The following ESRRG variants were observed in gnomAD, a reference collection of about 807,000 sequenced individuals.
The protein encoded by ESRRG is estrogen related receptor gamma.
ESRRG carries 13 observed loss-of-function variants against 44.0 expected under a neutral mutation model. The observed-to-expected ratio is 0.30, with a 90% CI of 0.19 to 0.47. ESRRG has a LOEUF of 0.47. Ranked by LOEUF, ESRRG falls within the 20% of genes least tolerant of loss-of-function variation. The pLI is 1.00. For missense variants in ESRRG, 395 were observed against 580.6 expected, an observed-to-expected ratio of 0.68 and a Z score of 3.29; for synonymous variants, 215 against 214.6, an observed-to-expected ratio of 1.00 and a Z score of -0.02.
intron 3 of ESRRG, among the ~76,000 whole-genome samples, chr1:216,592,088 C>T (rs981798059): frequency 6.6e-6 from 1 of 152,308 alleles, no homozygotes; most frequent in Admixed American, 6.5e-5. Context: ...GCCAAAGACA[C>T]ATAACCTGAA....
At chr1:216,955,526 A>G (rs1458294118) in intron 1 of ESRRG, among the ~76,000 whole-genome samples, 1 of 150,920 alleles carries the variant, frequency 6.6e-6, no homozygotes, top group Non-Finnish European at 1.5e-5. Flanking sequence ...TCTCTTTGAT[A>G]TGCTGATTTC....
Position 216,505,757 on chromosome 1 carries a change from A to T in ESRRG, c.*1182T>A, listed in dbSNP as rs1441643694. 1.3e-5 allele frequency: 2 copies of T among 152,566 alleles called. No homozygotes were observed. Among genetic ancestry groups the T allele is most frequent in the Non-Finnish European group, 2.9e-5 (2 of 68,022 alleles). 9.5% of individuals were successfully genotyped at this position (152,566 alleles called of 1,614,324 possible). ...AACTGGAGCTCATGTTAAGAAATTG[A>T]TGTTTGGGACCAGACTGGCACACAA... On this transcript the variant is annotated 3_prime_UTR_variant, in exon 7 of 7. Coordinates refer to ENST00000408911, the MANE Select transcript of ESRRG (RefSeq NM_001438.4).
chr1:216,581,936 T>C (rs1200638769), intron 3 of ESRRG, among the ~76,000 whole-genome samples: 8 of 152,250 alleles, frequency 5.3e-5, no homozygotes, highest in African/African-American at 1.4e-4. Flanking sequence ...ATACCAAAGT[T>C]ACACAGGGGC....
intron 4 of ESRRG, among the ~76,000 whole-genome samples, chr1:216,564,751 A>T (rs1486981491): frequency 6.6e-6 from 1 of 152,156 alleles, no homozygotes; most frequent in Non-Finnish European, 1.5e-5. Flanking sequence ...GGTATAAAAT[A>T]GCTTAAAATA....
At chr1:217,102,946 G>C (rs1377749019) in intron 1 of ESRRG, among the ~76,000 whole-genome samples, 1 of 152,198 alleles carries the variant, frequency 6.6e-6, no homozygotes, top group Non-Finnish European at 1.5e-5. Flanking sequence ...ATGGGGGAGA[G>C]AGAAGGGGAA....
intron 1 of ESRRG, among the ~76,000 whole-genome samples, chr1:216,966,169 G>A (rs2070317729): frequency 3.9e-5 from 6 of 152,134 alleles, no homozygotes; most frequent in Admixed American, 3.3e-4. Flanking sequence ...ACGTGTCCTA[G>A]CCCAGCAAAT....
rs569687032 is a variant in ESRRG at position 217,124,326 on chromosome 1, G to A, written c.-230+13341C>T. Reference sequence around the variant, plus strand: ...GCAGTTTGTCTCAAGTATTTACTCAGGTGATGACTACCTAAATTACTGGGA... The same window carrying A: ...GCAGTTTGTCTCAAGTATTTACTCAAGTGATGACTACCTAAATTACTGGGA... On this transcript the variant is annotated intron_variant, in intron 1 of 8. Coordinates refer to the ESRRG transcript ENST00000366940. Among the ~76,000 whole-genome samples the A allele has an allele frequency of 3.3e-5, 5 of 152,298 alleles. No homozygotes were observed. The South Asian group carries it at 8.3e-4, about 25-fold the overall frequency.
chr1:216,844,579 T>A (rs1017742610), intron 2 of ESRRG, among the ~76,000 whole-genome samples: 1 of 151,276 alleles, frequency 6.6e-6, no homozygotes, highest in Non-Finnish European at 1.5e-5. Flanking sequence ...TCCTCCTCCA[T>A]TAAGGCCCTC....
At chr1:216,698,070 A>G (rs17043393) in intron 1 of ESRRG, among the ~76,000 whole-genome samples, 19,886 of 152,144 alleles carry the variant, frequency 0.13, 1,393 homozygotes, top group Middle Eastern at 0.19. Context: ...TTCAGTTTCC[A>G]GAAGGGAATT....
At chr1:217,051,446 C>G (rs1346142026) in intron 1 of ESRRG, among the ~76,000 whole-genome samples, 1 of 152,168 alleles carries the variant, frequency 6.6e-6, no homozygotes, top group Non-Finnish European at 1.5e-5. Flanking sequence ...CAGGCAAAAA[C>G]TGAGAGGAAG....
intron 2 of ESRRG, among the ~76,000 whole-genome samples, chr1:216,670,756 T>C (rs2075015446): frequency 6.6e-6 from 1 of 152,026 alleles, no homozygotes; most frequent in Admixed American, 6.5e-5. Context: ...CACTGGGCCT[T>C]AGACATGTGG....
At chr1:216,624,769 T>C (rs1475111017) in intron 3 of ESRRG, among the ~76,000 whole-genome samples, 1 of 152,214 alleles carries the variant, frequency 6.6e-6, no homozygotes, top group African/African-American at 2.4e-5. Context: ...CACCCCATTA[T>C]TACCTAAAAC....
At position 216,688,908 on chromosome 1, in the gene ESRRG, T is replaced by G. The variant is rs550820918; in HGVS notation, c.57-11417A>C. On this transcript the variant is annotated intron_variant, in intron 1 of 6. Coordinates refer to ENST00000408911, the MANE Select transcript of ESRRG (RefSeq NM_001438.4). ...TTCAGAAAGAGTGGAGAAGGGTTGGTGGAAAAACCTAGGAGAAATAGAAAT... is the reference window on the plus strand; with the variant it reads ...TTCAGAAAGAGTGGAGAAGGGTTGGGGGAAAAACCTAGGAGAAATAGAAAT... Among the ~76,000 whole-genome samples the G allele has an allele frequency of 9.6e-3, 1,455 of 152,194 alleles. 20 individuals carry two copies. The highest frequency in any genetic ancestry group is 0.033 in the African/African-American group (1,377 of 41,526).
At position 216,677,439 on chromosome 1, in the gene ESRRG, A is replaced by T. The variant is rs1247313691; in HGVS notation, c.109T>A (p.Ser37Thr). ...KDRHIDSSCS[S>T]FIKTEPSSPA... Reference sequence around the variant, plus strand: ...CTGGAAGGTTCCGTCTTGATGAAGGACGAACAGCTGGAATCAATGTGTCGA... The same window carrying T: ...CTGGAAGGTTCCGTCTTGATGAAGGTCGAACAGCTGGAATCAATGTGTCGA... The change falls in exon 2 of 7, where the codon TCC becomes ACC. Residue 37 changes from serine to threonine, a missense_variant. Physicochemically the swap from Ser to Thr is moderately conservative, Grantham distance 58. Transcript: ENST00000408911. 6.2e-7 allele frequency: 1 copy of T among 1,613,972 alleles called. No individual in the cohort carries two copies. Among genetic ancestry groups the T allele is most frequent in the Admixed American group, 1.7e-5 (1 of 60,016 alleles).
chr1:216,779,437 A>AAAAATATTTATAAATATAAATAT (rs2093799027), intron 2 of ESRRG, among the ~76,000 whole-genome samples: 1 of 12,564 alleles, frequency 8.0e-5, no homozygotes, highest in African/African-American at 2.8e-4. Flanking sequence ...TTTATTTATA[A>AAAAATATTTATAAATATAAATAT]AAATAAATAT....
chr1:217,074,748 G>A (rs758469256), intron 1 of ESRRG, among the ~76,000 whole-genome samples: 2 of 152,078 alleles, frequency 1.3e-5, no homozygotes, highest in African/African-American at 2.4e-5. Context: ...ACTCCAGCCC[G>A]AGCAACAGAG....
At chr1:216,856,376 C>T (rs1292153935) in intron 2 of ESRRG, among the ~76,000 whole-genome samples, 1 of 151,830 alleles carries the variant, frequency 6.6e-6, no homozygotes. Context: ...CACACACACA[C>T]ACACACACAC....
chr1:216,604,061 A>T lies in ESRRG; in HGVS notation c.590-35963T>A, dbSNP rs147125642. Among the ~76,000 whole-genome samples, 418 of 152,224 alleles carry T rather than the reference A, an allele frequency of 2.7e-3. 2 individuals carry two copies. Among genetic ancestry groups the T allele is most frequent in the African/African-American group, 9.7e-3 (402 of 41,534 alleles). Reference sequence around the variant, plus strand: ...CGTGACATTAAAAGAAAGAGTGTACATAAAATTAGGAAACTGCGGTTCCAC... The same window carrying T: ...CGTGACATTAAAAGAAAGAGTGTACTTAAAATTAGGAAACTGCGGTTCCAC... On this transcript the variant is annotated intron_variant, in intron 3 of 6. Coordinates refer to ENST00000408911, the MANE Select transcript of ESRRG (RefSeq NM_001438.4).
At position 216,511,574 on chromosome 1, in the gene ESRRG, C is replaced by T. The variant is rs186166617; in HGVS notation, c.1133-4391G>A. Among the ~76,000 whole-genome samples the T allele has an allele frequency of 7.2e-5, 11 of 152,090 alleles. No individual in the cohort carries two copies. The East Asian group carries it at 2.1e-3, about 29-fold the overall frequency. ...ACACACACACACACACAGACAAATA[C>T]ACAATGAGGTCTATGTGTGTCTGCA... is the stretch of plus-strand genomic sequence containing the variant. On this transcript the variant is annotated intron_variant, in intron 6 of 6. Coordinates refer to ENST00000408911, the MANE Select transcript of ESRRG (RefSeq NM_001438.4).
Sources: allele counts gnomAD v4.1 joint callset (sites outside exome capture counted in the v4.1 genomes callset), GRCh38; gene constraint gnomAD v4.1.1; transcripts MANE v1.5; gene names NCBI Gene and HGNC (gene_info 2026-07-23, HGNC 2026-07-21).